C11orf65: variants seen among roughly 807,000 people sequenced by gnomAD.
C11orf65 encodes chromosome 11 open reading frame 65.
A neutral mutation model predicts 35.3 loss-of-function variants in C11orf65; 38 were observed. That is an observed-to-expected ratio of 1.08 (90% CI 0.83 to 1.41). The LOEUF is 1.41. Ranked by LOEUF, C11orf65 falls within the 40% of genes most tolerant of loss-of-function variation. C11orf65 has a pLI of 0.00. For synonymous variants in C11orf65, 105 were observed against 114.4 expected, an observed-to-expected ratio of 0.92 and a Z score of 0.53; for missense variants, 370 against 367.1, an observed-to-expected ratio of 1.01 and a Z score of -0.06.
intron 6 of C11orf65, among the ~76,000 whole-genome samples, chr11:108,397,906 C>A (rs909017075): frequency 6.6e-6 from 1 of 152,082 alleles, no homozygotes; most frequent in Non-Finnish European, 1.5e-5. Context: ...AGGTGGCAGA[C>A]AAATACACAG....
At chr11:108,313,256 G>C (rs4988074) in intron 6 of C11orf65, among the ~76,000 whole-genome samples, 3,947 of 152,118 alleles carry the variant, frequency 0.026, 181 homozygotes, top group African/African-American at 0.09. Context: ...ACTATGTTCT[G>C]AACATTTTAA....
intron 2 of C11orf65, among the ~76,000 whole-genome samples, chr11:108,376,382 C>T (rs933119763): frequency 5.9e-5 from 9 of 151,794 alleles, no homozygotes; most frequent in Non-Finnish European, 1.3e-4. Flanking sequence ...TGAATGGGTA[C>T]AGTACATAAC....
At chr11:108,312,544 C>A in intron 6 of C11orf65, 1 of 1,408,888 alleles carries the variant, frequency 7.1e-7, no homozygotes, top group Non-Finnish European at 1.0e-6. Context: ...TTATCTCATA[C>A]TTTGGGTTAT....
intron 8 of C11orf65, among the ~76,000 whole-genome samples, chr11:108,384,078 T>C (rs2138280037): frequency 6.6e-6 from 1 of 152,218 alleles, no homozygotes. Context: ...CCCAGGATAG[T>C]CTTGAACTCT....
At chr11:108,431,611 A>G in intron 3 of C11orf65, 135 bp downstream of exon 3, 2 of 430,914 alleles carry the variant, frequency 4.6e-6, no homozygotes, top group East Asian at 7.1e-5. Flanking sequence ...TGTTTTATGA[A>G]CTTTCAACAT....
At chr11:108,364,433 C>G (rs1416260567) in intron 2 of C11orf65, among the ~76,000 whole-genome samples, 2 of 152,134 alleles carry the variant, frequency 1.3e-5, no homozygotes, top group Non-Finnish European at 2.9e-5. Context: ...GCTACTTGCT[C>G]TAGCCATGTC....
At chr11:108,331,192 C>T, downstream of C11orf65, 1 of 1,185,544 alleles carries the variant, frequency 8.4e-7, no homozygotes. Context: ...ATAAACAGTA[C>T]CAAGTATTCT....
rs1040374548 is a variant in C11orf65 at position 108,365,311 on chromosome 11, G to A, written c.226+27897C>T. ...CTGTTCACCTCACTGAAACCTTTGTGTTTTTGTCCTTAGTGATATTGACCA... is the reference window on the plus strand; with the variant it reads ...CTGTTCACCTCACTGAAACCTTTGTATTTTTGTCCTTAGTGATATTGACCA... On this transcript the variant is annotated intron_variant, in intron 2 of 3. Transcript: ENST00000524755. The A allele has an allele frequency of 6.2e-7, 1 of 1,614,154 alleles. No homozygotes were observed.
chr11:108,410,748 G>A (rs926158447), intron 3 of C11orf65, among the ~76,000 whole-genome samples: 4 of 142,070 alleles, frequency 2.8e-5, no homozygotes, highest in Admixed American at 2.2e-4. Context: ...TTGCTCTGTC[G>A]CTCAGTCTGG....
downstream of C11orf65, chr11:108,329,087 G>C (rs876659392): frequency 6.2e-7 from 1 of 1,613,882 alleles, no homozygotes; most frequent in Non-Finnish European, 8.5e-7. Flanking sequence ...AAAAATGAAG[G>C]CATTTCTCTC....
intron 3 of C11orf65, among the ~76,000 whole-genome samples, chr11:108,421,943 T>C (rs979118787): frequency 1.3e-5 from 2 of 152,210 alleles, no homozygotes; most frequent in Non-Finnish European, 2.9e-5. Flanking sequence ...GGTTATTCTT[T>C]TTTTTTGAGA....
chr11:108,341,436 T>C (rs1450067834), intron 2 of C11orf65, among the ~76,000 whole-genome samples: 2 of 152,168 alleles, frequency 1.3e-5, no homozygotes, highest in Non-Finnish European at 2.9e-5. Context: ...CTCACCAGAA[T>C]GAAACTTTAT....
At chr11:108,352,473 CAG>C (rs1211628121) in intron 2 of C11orf65, among the ~76,000 whole-genome samples, 2 of 152,066 alleles carry the variant, frequency 1.3e-5, no homozygotes, top group Non-Finnish European at 2.9e-5. Flanking sequence ...AGCTGAGCAA[CAG>C]AGGAAGAAAA....
intron 2 of C11orf65, among the ~76,000 whole-genome samples, chr11:108,460,137 TCAA>T (rs2093456033): frequency 5.9e-5 from 9 of 152,014 alleles, no homozygotes; most frequent in African/African-American, 2.2e-4. Context: ...GTGTTAGAAA[TCAA>T]CATAGTTATA....
At chr11:108,461,231 G>A (rs1451586175) in intron 2 of C11orf65, among the ~76,000 whole-genome samples, 1 of 151,890 alleles carries the variant, frequency 6.6e-6, no homozygotes, top group African/African-American at 2.4e-5. Flanking sequence ...GTGAAACCCC[G>A]TCTCTACTAA....
At chr11:108,403,409 G>GTTTTTTTTTTTTT (rs71047691) in intron 6 of C11orf65, among the ~76,000 whole-genome samples, 24 of 67,294 alleles carry the variant, frequency 3.6e-4, no homozygotes, top group Non-Finnish European at 4.1e-4. Context: ...TGTTTGAGAG[G>GTTTTTTTTTTTTT]TTTTTTTTTT....
chr11:108,464,400 G>A (rs1250991344), intron 1 of C11orf65, among the ~76,000 whole-genome samples: 3 of 151,466 alleles, frequency 2.0e-5, no homozygotes, highest in Non-Finnish European at 4.4e-5. Flanking sequence ...GGGTTCAAGC[G>A]ATTCTCCTGC....
exon 7 of C11orf65, chr11:108,308,739 A>G: frequency 5.1e-6 from 2 of 391,146 alleles, no homozygotes; most frequent in Admixed American, 7.5e-5. Context: ...TTTAAGCCTA[A>G]ATGCATTAAT....
chr11:108,353,507 A>AT (rs1239697603), intron 2 of C11orf65, among the ~76,000 whole-genome samples: 1 of 152,162 alleles, frequency 6.6e-6, no homozygotes, highest in Non-Finnish European at 1.5e-5. Flanking sequence ...TAGTTACTTC[A>AT]TTTTTAAAAA....
Sources: gnomAD v4.1 joint callset for allele counts (sites outside exome capture counted in the v4.1 genomes callset) on GRCh38, gnomAD v4.1.1 for gene constraint, MANE v1.5 for transcripts, NCBI Gene and HGNC (gene_info 2026-07-23, HGNC 2026-07-21) for gene names.